The following TRIM67 variants were observed in gnomAD, a reference collection of about 807,000 sequenced individuals.
TRIM67 encodes tripartite motif containing 67, also known as tripartite motif-containing protein 67.
TRIM67 carries 39 observed loss-of-function variants against 71.0 expected under a neutral mutation model. That is an observed-to-expected ratio of 0.55 (90% confidence interval 0.43 to 0.72). The LOEUF is 0.72. Among genes scored for constraint, TRIM67 ranks in the 30% least tolerant of loss-of-function variants. The probability of loss-of-function intolerance (pLI) is 0.00; values close to 1 mark genes in which losing one functional copy is unlikely to be tolerated. For missense variants in TRIM67, 973 were observed against 1,079.2 expected, an observed-to-expected ratio of 0.90 and a Z score of 1.38; for synonymous variants, 481 against 473.9, an observed-to-expected ratio of 1.01 and a Z score of -0.19.
At position 231,220,420 on chromosome 1, in the gene TRIM67, T is replaced by C. The variant is rs1358715064; in HGVS notation, c.*4980T>C. The stretch of plus-strand genomic sequence containing the variant: ...CAAGGCCTCTGTGAGCAGAAGCCCC[T>C]TTAAACCAAGGAAGGACACTAACCC... On this transcript the variant is annotated 3_prime_UTR_variant, in exon 10 of 10. Coordinates refer to ENST00000366653, the MANE Select transcript of TRIM67 (RefSeq NM_001004342.5). The C allele has an allele frequency of 6.4e-6, 1 of 156,010 alleles. No homozygotes were observed. The highest frequency in any genetic ancestry group is 1.9e-4 in the East Asian group (1 of 5,302). The allele number at this position is 156,010 out of a possible 1,614,324, so 9.7% of individuals were successfully genotyped here.
chr1:231,206,582 A>G, intron 6 of TRIM67, 70 bp from the exon 7 acceptor site: 2 of 1,435,216 alleles, frequency 1.4e-6, no homozygotes, highest in Non-Finnish European at 1.8e-6. Flanking sequence ...ATGTGTTTCC[A>G]GAAGCCATTT....
chr1:231,192,116 G>T (rs1172228735), intron 1 of TRIM67, among the ~76,000 whole-genome samples: 2 of 152,140 alleles, frequency 1.3e-5, no homozygotes, highest in African/African-American at 4.8e-5. Context: ...TGAGGCTACA[G>T]TGAGCTATGA....
At chr1:231,193,729 C>T (rs560368320) in intron 1 of TRIM67, among the ~76,000 whole-genome samples, 1 of 152,180 alleles carries the variant, frequency 6.6e-6, no homozygotes, top group African/African-American at 2.4e-5. Context: ...AGGAAGTTTC[C>T]ACTCATGGTG....
At position 231,215,964 on chromosome 1, in the gene TRIM67, C is replaced by G; in HGVS notation, c.*524C>G. On this transcript the variant is annotated 3_prime_UTR_variant, in exon 10 of 10. Coordinates refer to ENST00000366653, the MANE Select transcript of TRIM67 (RefSeq NM_001004342.5). ...TCTTTTAGCTTCTTGGTCCTAGAGT[C>G]TTTAGTAGCACCTGCCACTTGCAGA... 1 of 986,410 alleles carries G rather than the reference C, an allele frequency of 1.0e-6. No individual in the cohort carries two copies. The highest frequency in any genetic ancestry group is 1.2e-6 in the Non-Finnish European group (1 of 830,656). 61.1% of individuals were successfully genotyped at this position (986,410 alleles called of 1,614,324 possible).
At chr1:231,179,902 T>A (rs1682854170) in intron 1 of TRIM67, among the ~76,000 whole-genome samples, 1 of 151,998 alleles carries the variant, frequency 6.6e-6, no homozygotes, top group East Asian at 1.9e-4. Flanking sequence ...CTGGGTAGGG[T>A]CCTGCAGACT....
chr1:231,193,854 C>T (rs1055610177), intron 1 of TRIM67, among the ~76,000 whole-genome samples: 3 of 152,064 alleles, frequency 2.0e-5, no homozygotes, highest in Non-Finnish European at 2.9e-5. Context: ...AGTGAGAACC[C>T]GCTAAGCAGG....
At chr1:231,181,371 G>T (rs2102726834) in intron 1 of TRIM67, among the ~76,000 whole-genome samples, 1 of 152,346 alleles carries the variant, frequency 6.6e-6, no homozygotes, top group South Asian at 2.1e-4. Context: ...ATCCTGAAAT[G>T]CAGAGGACGG....
Position 231,162,895 on chromosome 1 carries a change from G to T in TRIM67, c.-75G>T, listed in dbSNP as rs1024300142. 4 of 1,544,346 alleles carry T rather than the reference G, an allele frequency of 2.6e-6. No individual in the cohort carries two copies. The highest frequency in any genetic ancestry group is 2.6e-6 in the Non-Finnish European group (3 of 1,150,608). ...TCGTCTCACCGGGGCGCACCGCGCT[G>T]GTCCTCCTCCGCCAGTCTCCCGAGC... On this transcript the variant is annotated 5_prime_UTR_variant, in exon 1 of 10. Coordinates refer to ENST00000366653, the MANE Select transcript of TRIM67 (RefSeq NM_001004342.5).
rs980117935 is a variant in TRIM67, at chr1:231,184,705, G to A, written c.1045-12666G>A. ...GAAGGTCAACAGCAGAAAAACAATG[G>A]TCCCTGCAGCTGTCGGGGAAGCTCT... is the stretch of plus-strand genomic sequence containing the variant. On this transcript the variant is annotated intron_variant, in intron 1 of 9. Coordinates refer to ENST00000366653, the MANE Select transcript of TRIM67 (RefSeq NM_001004342.5). 4 of 406,722 alleles carry A rather than the reference G, an allele frequency of 9.8e-6. No homozygotes were observed. The Admixed American group carries it at 1.6e-4, about 16-fold the overall frequency. 25.2% of individuals were successfully genotyped at this position (406,722 alleles called of 1,614,324 possible). A position where few individuals can be genotyped will look rare whatever the true frequency, so the allele number is the denominator to read the frequency against.
chr1:231,218,068 C>T lies in TRIM67; in HGVS notation c.*2628C>T, dbSNP rs1684058722. On this transcript the variant is annotated 3_prime_UTR_variant, in exon 10 of 10. Coordinates refer to ENST00000366653, the MANE Select transcript of TRIM67 (RefSeq NM_001004342.5). ...CTCTCCTGTCTTCAGCACAAAACAC[C>T]TTCAATGTTCTGACTTCAAAGAGAA... 14 of 1,126,520 alleles carry T rather than the reference C, an allele frequency of 1.2e-5. No homozygotes were observed. Among genetic ancestry groups the T allele is most frequent in the African/African-American group, 1.6e-5 (1 of 61,790 alleles). 69.8% of individuals were successfully genotyped at this position (1,126,520 alleles called of 1,614,324 possible). A position where few individuals can be genotyped will look rare whatever the true frequency, so the allele number is the denominator to read the frequency against.
intron 1 of TRIM67, among the ~76,000 whole-genome samples, chr1:231,187,864 G>T (rs1206721114): frequency 6.6e-6 from 1 of 152,224 alleles, no homozygotes; most frequent in Non-Finnish European, 1.5e-5. Context: ...CAAGAAAGTA[G>T]CTCAGCACTC....
intron 1 of TRIM67, among the ~76,000 whole-genome samples, chr1:231,176,025 A>T (rs1361854684): frequency 1.3e-5 from 2 of 152,128 alleles, no homozygotes; most frequent in South Asian, 2.1e-4. Context: ...GGAATGTGGG[A>T]CCCAGCTAAA....
At chr1:231,185,049 GGAGCT>G in intron 1 of TRIM67, 6 of 1,532,936 alleles carry the variant, frequency 3.9e-6, no homozygotes, top group Non-Finnish European at 5.2e-6. Flanking sequence ...AGGCTAGTGT[GGAGCT>G]GAGCTGGTGC....
chr1:231,201,497 T>A lies in TRIM67; in HGVS notation c.1514T>A (p.Phe505Tyr). 6.2e-7 allele frequency: 1 copy of A among 1,613,912 alleles called. No homozygotes were observed. Among genetic ancestry groups the A allele is most frequent in the East Asian group, 2.2e-5 (1 of 44,880 alleles). The part of the protein sequence containing the change: ...PLLQAIHQLD[F>Y]IQMKCRVPPV... ...CTGCAGGCCATCCACCAGCTGGACT[T>A]CATTCAGATGAAATGTAGGGGTGAG... Residue 505 changes from phenylalanine to tyrosine, a missense_variant, in exon 5 of 10, where the codon TTC (phenylalanine) becomes TAC (tyrosine). Phe to Tyr is a conservative substitution (Grantham distance 22). Around this residue, in one of 2 missense-constraint regions of TRIM67, gnomAD observed 795 missense variants for 831.3 expected, o/e 0.96. Coordinates refer to ENST00000366653, the MANE Select transcript of TRIM67 (RefSeq NM_001004342.5).
chr1:231,184,900 G>C, intron 1 of TRIM67: 3 of 912,066 alleles, frequency 3.3e-6, no homozygotes, highest in Non-Finnish European at 4.9e-6. Flanking sequence ...AAGAAACTAG[G>C]TCACGTAAAA....
intron 5 of TRIM67, among the ~76,000 whole-genome samples, chr1:231,202,858 G>C (rs1683589321): frequency 6.6e-6 from 1 of 152,168 alleles, no homozygotes. Context: ...CCCTTGGAAA[G>C]TGGGGGTGTG....
chr1:231,214,007 C>A, intron 9 of TRIM67, 30 bp downstream of exon 9: 1 of 1,577,110 alleles, frequency 6.3e-7, no homozygotes, highest in South Asian at 1.2e-5. Context: ...CGGACCTGGT[C>A]TGGCTGCTCC....
At chr1:231,170,519 C>T (rs79413560) in intron 1 of TRIM67, among the ~76,000 whole-genome samples, 1 of 152,286 alleles carries the variant, frequency 6.6e-6, no homozygotes, top group East Asian at 1.9e-4. Context: ...GTGGTGGTCA[C>T]TGTGTCGTTA....
chr1:231,204,393 G>A (rs146903622), intron 6 of TRIM67, among the ~76,000 whole-genome samples: 207 of 152,270 alleles, frequency 1.4e-3, no homozygotes, highest in African/African-American at 4.7e-3. Context: ...TTCTGGAGAC[G>A]AGGAAGCACT....
Sources: gnomAD v4.1 joint callset for allele counts (sites outside exome capture counted in the v4.1 genomes callset) on GRCh38, gnomAD v4.1.1 for gene constraint, gnomAD v4.1.1 regional missense constraint, MANE v1.5 for transcripts, NCBI Gene and HGNC (gene_info 2026-07-23, HGNC 2026-07-21) for gene names.